Variants in DGKB observed in about 807,000 individuals in gnomAD.
DGKB encodes diacylglycerol kinase beta.
A neutral mutation model predicts 114.3 loss-of-function variants in DGKB; 67 were observed. That is an observed-to-expected ratio of 0.59 (90% CI 0.48 to 0.72). The LOEUF (loss-of-function observed/expected upper bound fraction) is 0.72. Among genes scored for constraint, DGKB ranks in the 30% least tolerant of loss-of-function variants. The pLI, the probability that DGKB is intolerant of heterozygous loss-of-function variation, is 0.00. For missense variants in DGKB, 907 were observed against 975.2 expected, an observed-to-expected ratio of 0.93 and a Z score of 0.93; for synonymous variants, 398 against 323.1, an observed-to-expected ratio of 1.23 and a Z score of -2.49.
At chr7:14,250,823 C>T (rs775785608) in intron 23 of DGKB, among the ~76,000 whole-genome samples, 9 of 152,136 alleles carry the variant, frequency 5.9e-5, no homozygotes, top group Admixed American at 2.0e-4. Flanking sequence ...ATATTTGGTG[C>T]GTATATGCAT....
intron 21 of DGKB, among the ~76,000 whole-genome samples, chr7:14,432,523 C>G (rs1715766779): frequency 6.6e-6 from 1 of 152,264 alleles, no homozygotes; most frequent in African/African-American, 2.4e-5. Context: ...CTTCTACTTC[C>G]TCAGATTTAG....
At chr7:14,691,629 T>C (rs544306678) in intron 9 of DGKB, among the ~76,000 whole-genome samples, 48 of 152,166 alleles carry the variant, frequency 3.2e-4, no homozygotes, top group Non-Finnish European at 6.2e-4. Flanking sequence ...TCATTACACA[T>C]GATTATATGG....
chr7:14,642,981 A>G (rs1458873116), intron 13 of DGKB, among the ~76,000 whole-genome samples: 1 of 152,162 alleles, frequency 6.6e-6, no homozygotes, highest in African/African-American at 2.4e-5. Flanking sequence ...ATTTCCCGAC[A>G]CCATCAAGAT....
chr7:14,209,225 A>C (rs536763383), intron 23 of DGKB: 52 of 280,982 alleles, frequency 1.9e-4, no homozygotes, highest in African/African-American at 9.7e-4. Context: ...TCAATTTTTA[A>C]ATTGTATCTC....
intron 20 of DGKB, among the ~76,000 whole-genome samples, chr7:14,499,512 T>C (rs1734799236): frequency 6.6e-6 from 1 of 151,800 alleles, no homozygotes. Context: ...GCTTAAGTCT[T>C]CTTGAATACC....
intron 21 of DGKB, among the ~76,000 whole-genome samples, chr7:14,432,844 C>G (rs1407048968): frequency 1.3e-5 from 2 of 152,026 alleles, no homozygotes. Context: ...TTAAATGCTC[C>G]AGAACCTTTT....
chr7:14,413,575 C>A (rs1463489334), intron 21 of DGKB, among the ~76,000 whole-genome samples: 1 of 151,862 alleles, frequency 6.6e-6, no homozygotes, highest in Non-Finnish European at 1.5e-5. Flanking sequence ...TTGAGGTATT[C>A]CAGGTAAAGG....
chr7:14,379,406 T>TG lies in DGKB; in HGVS notation c.1836-34016_1836-34015insC, dbSNP rs1364932380. Among the ~76,000 whole-genome samples the TG allele has an allele frequency of 5.7e-3, 852 of 150,564 alleles. 1 individual carries two copies. Among genetic ancestry groups the TG allele is most frequent in the Non-Finnish European group, 8.9e-3 (601 of 67,464 alleles). On this transcript the variant is annotated intron_variant, in intron 21 of 25. Coordinates refer to ENST00000402815, the MANE Select transcript of DGKB (RefSeq NM_001350709.2). The stretch of plus-strand genomic sequence containing the variant: ...ACTCAAAGAAATTATGGAGTTTTTT[T>TG]TTTTTTTTTTTTCCACTTTCTGTTT...
intron 23 of DGKB, among the ~76,000 whole-genome samples, chr7:14,265,315 A>ATTTTTTT (rs1178230744): frequency 1.1e-3 from 43 of 40,388 alleles, no homozygotes; most frequent in East Asian, 0.014. Context: ...TTTCTCTTGC[A>ATTTTTTT]TTCTTTTTTT....
chr7:14,606,885 A>G (rs1585077360), intron 17 of DGKB, among the ~76,000 whole-genome samples: 1 of 147,048 alleles, frequency 6.8e-6, no homozygotes, highest in Non-Finnish European at 1.5e-5. Flanking sequence ...AAATCGTATG[A>G]TTTTTTTCAT....
intron 23 of DGKB, among the ~76,000 whole-genome samples, chr7:14,309,040 G>T (rs1339672205): frequency 2.0e-5 from 3 of 151,892 alleles, no homozygotes; most frequent in African/African-American, 7.3e-5. Flanking sequence ...ACATGGTAAG[G>T]CCTCATCTTA....
At chr7:14,205,383 T>C (rs1330286701) in intron 23 of DGKB, among the ~76,000 whole-genome samples, 1 of 151,842 alleles carries the variant, frequency 6.6e-6, no homozygotes, top group Non-Finnish European at 1.5e-5. Flanking sequence ...ATCTTTCCTA[T>C]CTCTTTTCTT....
chr7:14,538,012 G>C (rs1433592102), intron 20 of DGKB, among the ~76,000 whole-genome samples: 1 of 146,564 alleles, frequency 6.8e-6, no homozygotes, highest in Non-Finnish European at 1.5e-5. Context: ...CCTAGAAGGC[G>C]GAGTTTGTGG....
intron 17 of DGKB, among the ~76,000 whole-genome samples, chr7:14,589,765 A>G (rs1031734917): frequency 2.0e-5 from 3 of 152,198 alleles, no homozygotes; most frequent in Non-Finnish European, 4.4e-5. Flanking sequence ...TTGTGTATTA[A>G]TATTTTTAAG....
chr7:14,295,060 G>A lies in DGKB; in HGVS notation c.2122+43455C>T, dbSNP rs113796344. Reference sequence around the variant, plus strand: ...CTTTGTTGTATTTTTCCTTCCCCTAGAAGCAGCTTTATGAAAGGCTCTTAC... The same window carrying A: ...CTTTGTTGTATTTTTCCTTCCCCTAAAAGCAGCTTTATGAAAGGCTCTTAC... On this transcript the variant is annotated intron_variant, in intron 23 of 25. Transcript: ENST00000402815. Among the ~76,000 whole-genome samples, 1,135 of 152,218 alleles carry A rather than the reference G, an allele frequency of 7.5e-3. 16 individuals carry two copies. Among genetic ancestry groups the A allele is most frequent in the African/African-American group, 0.025 (1,041 of 41,542 alleles).
chr7:14,568,208 G>A (rs765195354), intron 20 of DGKB, among the ~76,000 whole-genome samples: 5 of 152,128 alleles, frequency 3.3e-5, no homozygotes, highest in Non-Finnish European at 5.9e-5. Context: ...TACATAGAAG[G>A]TACTAAATAA....
chr7:14,736,340 T>C (rs568439831), intron 4 of DGKB, 146 bp from the exon 5 acceptor site: 3 of 564,034 alleles, frequency 5.3e-6, no homozygotes, highest in South Asian at 2.7e-5. Context: ...ATTTGAGAAA[T>C]AGGGTGGGCC....
chr7:14,719,837 T>C (rs1424804273), intron 5 of DGKB, among the ~76,000 whole-genome samples: 2 of 152,206 alleles, frequency 1.3e-5, no homozygotes, highest in Non-Finnish European at 2.9e-5. Context: ...GTGCCTAATA[T>C]GTGGCTGAAA....
chr7:14,649,057 T>A lies in DGKB; in HGVS notation c.1135-18789A>T, dbSNP rs528125698. ...AAGTGATGGGGAGAATGGAACCAAG[T>A]TGGAAAACATGCTGCAGGATATTAT... is the stretch of plus-strand genomic sequence containing the variant. On this transcript the variant is annotated intron_variant, in intron 13 of 25. Transcript: ENST00000402815. Among the ~76,000 whole-genome samples, 18 of 66,134 alleles carry A rather than the reference T, an allele frequency of 2.7e-4. 4 individuals are homozygous for A. The highest frequency in any genetic ancestry group is 6.1e-5 in the Non-Finnish European group (2 of 32,950). The allele number at this position is 66,134 out of a possible 152,430, so 43.4% of individuals were successfully genotyped here. A position where few individuals can be genotyped will look rare whatever the true frequency, so the allele number is the denominator to read the frequency against.
Sources: gnomAD v4.1 joint callset for allele counts (sites outside exome capture counted in the v4.1 genomes callset) on GRCh38, gnomAD v4.1.1 for gene constraint, MANE v1.5 for transcripts, NCBI Gene and HGNC (gene_info 2026-07-23, HGNC 2026-07-21) for gene names.